RAF1: variants seen among roughly 807,000 people sequenced by gnomAD.
The protein encoded by RAF1 is RAF proto-oncogene serine/threonine-protein kinase.
RAF1 carries 27 observed loss-of-function variants against 81.1 expected under a neutral mutation model. The observed-to-expected ratio is 0.33, with a 90% CI of 0.25 to 0.46. The LOEUF is 0.46. Among genes scored for constraint, RAF1 ranks in the 20% least tolerant of loss-of-function variants. The pLI is 1.00. For missense variants in RAF1, 598 were observed against 826.0 expected (o/e 0.72, Z 3.38); for synonymous variants, 298 against 294.0 (o/e 1.01, Z -0.14).
intron 1 of RAF1, among the ~76,000 whole-genome samples, chr3:12,656,348 A>G (rs2060694398): frequency 6.6e-6 from 1 of 152,098 alleles, no homozygotes; most frequent in Admixed American, 6.6e-5. Context: ...GTCCTGCTAA[A>G]GCAGGCAAAT....
At chr3:12,625,992 G>T (rs1245686077) in intron 1 of RAF1, among the ~76,000 whole-genome samples, 1 of 151,742 alleles carries the variant, frequency 6.6e-6, no homozygotes, top group East Asian at 1.9e-4. Flanking sequence ...TAGGCCGGGC[G>T]CAGTGGCTCA....
intron 1 of RAF1, among the ~76,000 whole-genome samples, chr3:12,651,738 G>A (rs1178402263): frequency 2.0e-5 from 3 of 151,622 alleles, no homozygotes; most frequent in Middle Eastern, 3.2e-3. Flanking sequence ...AGCTGGGCAC[G>A]ATGGCTCATG....
intron 1 of RAF1, among the ~76,000 whole-genome samples, chr3:12,656,782 C>A (rs1011710256): frequency 1.3e-5 from 2 of 152,010 alleles, no homozygotes; most frequent in South Asian, 2.1e-4. Flanking sequence ...GGATCATCTG[C>A]AGTCAGGAGT....
intron 1 of RAF1, among the ~76,000 whole-genome samples, chr3:12,624,089 A>T (rs983498732): frequency 6.6e-6 from 1 of 152,098 alleles, no homozygotes; most frequent in African/African-American, 2.4e-5. Context: ...TCCTGACCTC[A>T]GGTGATCCAC....
At chr3:12,651,860 T>C (rs1559488823) in intron 1 of RAF1, among the ~76,000 whole-genome samples, 1 of 148,346 alleles carries the variant, frequency 6.7e-6, no homozygotes, top group Non-Finnish European at 1.5e-5. Flanking sequence ...AAATACAAAA[T>C]TAGCCAGGTG....
At chr3:12,623,846 AC>A (rs2059622176) in intron 1 of RAF1, among the ~76,000 whole-genome samples, 3 of 119,322 alleles carry the variant, frequency 2.5e-5, no homozygotes, top group Non-Finnish European at 3.5e-5. Flanking sequence ...ATGTTTCCTA[AC>A]CCTTTTCTTT....
chr3:12,632,199 C>T (rs13094393), intron 1 of RAF1, among the ~76,000 whole-genome samples: 18,438 of 151,734 alleles, frequency 0.12, 1,353 homozygotes, highest in Admixed American at 0.2. Context: ...TGGCGCATGC[C>T]TGTAGTCCCA....
chr3:12,645,713 G>A (rs2060327527), intron 1 of RAF1, among the ~76,000 whole-genome samples: 1 of 152,010 alleles, frequency 6.6e-6, no homozygotes, highest in Admixed American at 6.6e-5. Context: ...TTATTGTACT[G>A]TACTGTATTT....
At chr3:12,641,471 CAAA>C (rs541490913) in intron 1 of RAF1, among the ~76,000 whole-genome samples, 1 of 143,272 alleles carries the variant, frequency 7.0e-6, no homozygotes, top group Non-Finnish European at 1.5e-5. Context: ...ATGTCCCCCC[CAAA>C]AAAAAATGTT....
At chr3:12,661,925 C>T (rs2060889385) in intron 1 of RAF1, among the ~76,000 whole-genome samples, 1 of 151,800 alleles carries the variant, frequency 6.6e-6, no homozygotes, top group Admixed American at 6.6e-5. Context: ...TGGATCACAC[C>T]TGTAATTTCA....
intron 1 of RAF1, among the ~76,000 whole-genome samples, chr3:12,652,052 A>G (rs866295137): frequency 3.1e-5 from 4 of 130,564 alleles, no homozygotes; most frequent in South Asian, 5.5e-4. Context: ...ATAAATAAAT[A>G]AATGATATAA....
chr3:12,650,469 A>G (rs1193110157), intron 1 of RAF1, among the ~76,000 whole-genome samples: 1 of 152,214 alleles, frequency 6.6e-6, no homozygotes, highest in Non-Finnish European at 1.5e-5. Flanking sequence ...TCAATGGAGA[A>G]AAGTTAACAA....
chr3:12,642,717 C>CAA (rs1236133308), intron 1 of RAF1, among the ~76,000 whole-genome samples: 40 of 146,492 alleles, frequency 2.7e-4, no homozygotes, highest in African/African-American at 1.0e-3. Flanking sequence ...CACACACACA[C>CAA]ACAAAATAGC....
intron 1 of RAF1, among the ~76,000 whole-genome samples, chr3:12,663,330 C>T (rs552471704): frequency 4.1e-4 from 63 of 152,304 alleles, no homozygotes; most frequent in African/African-American, 1.5e-3. Context: ...GCCCCTGTGC[C>T]TTTGTGGTAG....
intron 1 of RAF1, among the ~76,000 whole-genome samples, chr3:12,621,072 T>A (rs1415513903): frequency 1.3e-5 from 2 of 152,158 alleles, no homozygotes; most frequent in Non-Finnish European, 2.9e-5. Flanking sequence ...ACTTGTTTTA[T>A]TATTAACAGT....
intron 1 of RAF1, among the ~76,000 whole-genome samples, chr3:12,619,825 G>T (rs1367088983): frequency 6.6e-6 from 1 of 152,114 alleles, no homozygotes; most frequent in East Asian, 1.9e-4. Flanking sequence ...GCTCATACCT[G>T]TAATCCCAGC....
chr3:12,589,837 C>A (rs1013994797), intron 13 of RAF1: 12 of 147,934 alleles, frequency 8.1e-5, no homozygotes, highest in African/African-American at 3.0e-4. Context: ...GTCACCCAGG[C>A]TAGAGTGCAA....
rs1390560789 is a variant in RAF1 at position 12,603,475 on chromosome 3, T to C, written c.894+3A>G. On this transcript the variant is annotated splice_donor_region_variant and intron_variant, in intron 8 of 17. Transcript: ENST00000442415. ...AAGCAAAGGCATGAAGAAAAATACCTACTCTTCCCCTCAAACAAAATCGTC... is the reference window on the plus strand; with the variant it reads ...AAGCAAAGGCATGAAGAAAAATACCCACTCTTCCCCTCAAACAAAATCGTC... 1 of 698,062 alleles carries C rather than the reference T, an allele frequency of 1.4e-6. No individual in the cohort carries two copies. The highest frequency in any genetic ancestry group is 2.6e-6 in the Non-Finnish European group (1 of 381,724). 43.2% of individuals were successfully genotyped at this position (698,062 alleles called of 1,614,324 possible). A position where few individuals can be genotyped will look rare whatever the true frequency, so the allele number is the denominator to read the frequency against.
At chr3:12,645,097 CAAA>C (rs11401342) in intron 1 of RAF1, among the ~76,000 whole-genome samples, 101 of 65,032 alleles carry the variant, frequency 1.6e-3, no homozygotes, top group African/African-American at 3.9e-3. Context: ...GACTCAGTCT[CAAA>C]AAAAAAAAAA....
Sources: gnomAD v4.1 joint callset for allele counts (sites outside exome capture counted in the v4.1 genomes callset) on GRCh38, gnomAD v4.1.1 for gene constraint, MANE v1.5 for transcripts, NCBI Gene and HGNC (gene_info 2026-07-23, HGNC 2026-07-21) for gene names.